MUC6: variants seen among roughly 807,000 people sequenced by gnomAD.
MUC6 encodes mucin-6.
MUC6 carries 188 observed loss-of-function variants against 201.5 expected under a neutral mutation model. That is an observed-to-expected ratio of 0.93 (90% CI 0.83 to 1.05). The LOEUF is 1.05. Ranked by LOEUF, MUC6 falls within the 50% of genes least tolerant of loss-of-function variation. The pLI is 0.00. For missense variants in MUC6, 2,706 were observed against 3,256.9 expected, an observed-to-expected ratio of 0.83 and a Z score of 4.12; for synonymous variants, 1,228 against 1,389.4, an observed-to-expected ratio of 0.88 and a Z score of 2.58.
rs1223253252 is a variant in MUC6, at chr11:1,026,119, C to T, written c.2569G>A (p.Ala857Thr). ...RTCSCSRGRW[A>T]CQQGTHCPST... ...GGGCAGTGGGTGCCCTGCTGACAGG[C>T]CCACCTCCCCCTTGAGCAGGAGCTG... Residue 857 changes from alanine (A) to threonine (T), a missense_variant, in exon 21 of 33, where the codon GCC becomes ACC. Coordinates refer to ENST00000421673, the MANE Select transcript of MUC6 (RefSeq NM_005961.3). The T allele has an allele frequency of 1.3e-6, 2 of 1,598,132 alleles. No homozygotes were observed. Among genetic ancestry groups the T allele is most frequent in the East Asian group, 2.3e-5 (1 of 44,276 alleles).
intron 8 of MUC6, among the ~76,000 whole-genome samples, 168 bp from the exon 9 acceptor site, chr11:1,029,783 T>C (rs1327405328): frequency 1.3e-5 from 2 of 151,766 alleles, no homozygotes; most frequent in Non-Finnish European, 2.9e-5. Flanking sequence ...ACGCCCCCTC[T>C]AGCCTGGGCC....
intron 1 of MUC6, among the ~76,000 whole-genome samples, chr11:1,034,760 C>A (rs1266238605): frequency 6.6e-6 from 1 of 152,198 alleles, no homozygotes; most frequent in Non-Finnish European, 1.5e-5. Context: ...CACCTCGGGC[C>A]TGTGTTTCGG....
chr11:1,029,175 C>T (rs576378320), intron 10 of MUC6, 25 bp from the exon 11 acceptor site: 27 of 1,606,860 alleles, frequency 1.7e-5, no homozygotes, highest in Admixed American at 8.5e-5. Flanking sequence ...GGCTCAGACA[C>T]GGGTGGGGTC....
In MUC6 at chr11:1,024,071, C is replaced by T. The variant is rs751332013; in HGVS notation, c.3258G>A (p.Val1086=). 89 of 1,612,964 alleles carry T rather than the reference C, an allele frequency of 5.5e-5. No individual in the cohort carries two copies. Among genetic ancestry groups the T allele is most frequent in the Non-Finnish European group, 7.5e-5 (89 of 1,179,800 alleles). The change falls in exon 25 of 33, where the codon GTG becomes GTA. Residue 1086 remains valine (V), a synonymous_variant. Transcript: ENST00000421673. ...CACTGTCACACCCACATGCGTCGCG[C>T]ACGCAGGCCTCGTAGTAGGGCAGGT... ...VYHLPYYEAC[V]RDACGCDSGG...
chr11:1,014,577 G>A (rs1001532063), intron 31 of MUC6, among the ~76,000 whole-genome samples: 2 of 152,224 alleles, frequency 1.3e-5, no homozygotes, highest in Non-Finnish European at 2.9e-5. Flanking sequence ...GTACGTGGCA[G>A]GCAGCACAGA....
At chr11:1,019,526 C>T (rs545484753) in intron 29 of MUC6, 30 bp from the exon 30 acceptor site, 4 of 1,585,030 alleles carry the variant, frequency 2.5e-6, no homozygotes, top group African/African-American at 1.3e-5. Flanking sequence ...GGAACATCCC[C>T]TTGCTGTGGG....
At chr11:1,026,238 G>A (rs1049417016) in intron 20 of MUC6, 89 bp downstream of exon 20, 29 of 1,531,848 alleles carry the variant, frequency 1.9e-5, no homozygotes, top group African/African-American at 1.2e-4. Flanking sequence ...GGACGCCCCC[G>A]CCTCTGGGAC....
chr11:1,013,446 AG>A lies in MUC6; in HGVS notation c.*9del. ...GTCCTTCAGCCCCAGGAGAGCAGGC[AG>A]CGACCCTGCTAGTCTCCACAGGCCA... On this transcript the variant is annotated 3_prime_UTR_variant, in exon 33 of 33. Coordinates refer to ENST00000421673, the MANE Select transcript of MUC6 (RefSeq NM_005961.3). 1 of 1,567,732 alleles carries A rather than the reference AG, an allele frequency of 6.4e-7. No individual in the cohort carries two copies. Among genetic ancestry groups the A allele is most frequent in the Non-Finnish European group, 8.6e-7 (1 of 1,157,206 alleles).
At chr11:1,031,459 A>C in intron 4 of MUC6, 148 bp downstream of exon 4, 1 of 1,307,962 alleles carries the variant, frequency 7.6e-7, no homozygotes. Context: ...GTTGCTGGTC[A>C]GGGGTCAGCA....
chr11:1,031,187 C>T lies in MUC6; in HGVS notation c.556G>A (p.Glu186Lys), dbSNP rs1488891038. ...CGNFDGKVTN[E>K]FVSEEGKFLE... ...CACCTACCCTCCTCACTGACAAACTCGTTGGTCACCTTCCCGTCAAAGTTC... is the reference window on the plus strand; with the variant it reads ...CACCTACCCTCCTCACTGACAAACTTGTTGGTCACCTTCCCGTCAAAGTTC... The change falls in exon 5 of 33, where the codon GAG (glutamate) becomes AAG (lysine). Residue 186 changes from glutamate (E) to lysine (K), a missense_variant. By Grantham distance (56) the Glu-to-Lys change is moderately conservative. Around this residue, in one of 10 missense-constraint regions of MUC6, gnomAD observed 1,850 missense variants for 1,958.3 expected, o/e 0.94. Transcript: ENST00000421673. 165 of 1,561,642 alleles carry T rather than the reference C, an allele frequency of 1.1e-4. No individual in the cohort carries two copies. The highest frequency in any genetic ancestry group is 1.3e-4 in the Non-Finnish European group (150 of 1,152,278).
At position 1,028,301 on chromosome 11, in the gene MUC6, C is replaced by A. The variant is rs777806378; in HGVS notation, c.1678G>T (p.Asp560Tyr). The part of the protein sequence containing the change: ...IAEGTASLFV[D>Y]SWRAGNCPAA... ...GGACAGTTCCCCGCCCGCCAGGAGT[C>A]CACAAACAGCGAGGCGGTGCCCTCG... The change falls in exon 14 of 33, where the codon GAC becomes TAC. Residue 560 changes from aspartate (D) to tyrosine (Y), a missense_variant. Coordinates refer to ENST00000421673, the MANE Select transcript of MUC6 (RefSeq NM_005961.3). 6 of 1,610,804 alleles carry A rather than the reference C, an allele frequency of 3.7e-6. No homozygotes were observed. The highest frequency in any genetic ancestry group is 5.1e-6 in the Non-Finnish European group (6 of 1,179,268).
At chr11:1,034,836 G>A (rs368398400) in intron 1 of MUC6, among the ~76,000 whole-genome samples, 1 of 152,164 alleles carries the variant, frequency 6.6e-6, no homozygotes, top group Non-Finnish European at 1.5e-5. Flanking sequence ...CACCCCCTGC[G>A]CCCCCCGCCG....
rs369579023 is a variant in MUC6, at chr11:1,025,172, C to A, written c.2985+10G>T. 1 of 1,610,178 alleles carries A rather than the reference C, an allele frequency of 6.2e-7. No homozygotes were observed. Among genetic ancestry groups the A allele is most frequent in the Non-Finnish European group, 8.5e-7 (1 of 1,177,730 alleles). On this transcript the variant is annotated intron_variant, in intron 23 of 32. Transcript: ENST00000421673. The stretch of plus-strand genomic sequence containing the variant: ...GGAGGGCCTGGGAGGAGGCAGAGGG[C>A]GTGCGGTACCTGGGAGGCACGGGCG...
rs887214034 is a variant in MUC6, at chr11:1,031,969, C to T, written c.200G>A (p.Cys67Tyr). 3 of 1,613,616 alleles carry T rather than the reference C, an allele frequency of 1.9e-6. No individual in the cohort carries two copies. Among genetic ancestry groups the T allele is most frequent in the Non-Finnish European group, 1.7e-6 (2 of 1,179,890 alleles). ...GCAGGTGGCCGCGAAGATGTAGTTG[C>T]ACGTCCCCGAGAAGTCGTACACGTG... ...DHHVYDFSGTCNYIFAATCKD... is the reference protein window; with the variant it reads ...DHHVYDFSGTYNYIFAATCKD... The change falls in exon 3 of 33, where the codon TGC (cysteine) becomes TAC (tyrosine). Residue 67 changes from cysteine to tyrosine, a missense_variant. By Grantham distance (194) the Cys-to-Tyr change is radical. Around this residue, in one of 10 missense-constraint regions of MUC6, gnomAD observed 1,850 missense variants for 1,958.3 expected, o/e 0.94. Transcript: ENST00000421673.
intron 1 of MUC6, among the ~76,000 whole-genome samples, chr11:1,036,328 G>A (rs868600675): frequency 2.0e-4 from 31 of 152,278 alleles, no homozygotes; most frequent in Admixed American, 3.9e-4. Flanking sequence ...CCAGCTGAGC[G>A]TCCTCCCCCG....
At chr11:1,024,635 C>A (rs562916617) in intron 24 of MUC6, among the ~76,000 whole-genome samples, 1 of 152,126 alleles carries the variant, frequency 6.6e-6, no homozygotes, top group African/African-American at 2.4e-5. Flanking sequence ...GGGTGGAGGC[C>A]GGGGGGCTGC....
intron 22 of MUC6, 126 bp downstream of exon 22, chr11:1,025,676 CAAG>C: frequency 1.1e-6 from 1 of 944,154 alleles, no homozygotes; most frequent in East Asian, 2.6e-5. Context: ...AGGCACCCCT[CAAG>C]GAGAGGCAGG....
intron 19 of MUC6, 127 bp downstream of exon 19, chr11:1,026,814 C>T: frequency 9.5e-7 from 1 of 1,054,358 alleles, no homozygotes; most frequent in South Asian, 1.6e-5. Flanking sequence ...CCGCTTCCAC[C>T]TCGTGGCCAG....
In MUC6 at chr11:1,013,986, C is replaced by T. The variant is rs765069775; in HGVS notation, c.7055G>A (p.Arg2352Gln). The T allele has an allele frequency of 1.7e-5, 28 of 1,608,264 alleles. No homozygotes were observed. The highest frequency in any genetic ancestry group is 4.0e-5 in the African/African-American group (3 of 74,854). ...TPTSPGVCSV[R>Q]EQQEEITFKG... Reference sequence around the variant, plus strand: ...GAACGTGATCTCCTCCTGCTGCTCCCGCACACTGCAGACCCCTGGTAGCCG... The same window carrying T: ...GAACGTGATCTCCTCCTGCTGCTCCTGCACACTGCAGACCCCTGGTAGCCG... Residue 2352 changes from arginine to glutamine, a missense_variant, in exon 32 of 33, where the codon CGG becomes CAG. Arg to Gln is a conservative substitution (Grantham distance 43). This residue lies in a region of MUC6 where 586 missense variants were observed against 488.0 expected (regional missense o/e 1.20). Coordinates refer to ENST00000421673, the MANE Select transcript of MUC6 (RefSeq NM_005961.3).
Sources: allele counts gnomAD v4.1 joint callset (sites outside exome capture counted in the v4.1 genomes callset), GRCh38; gene constraint gnomAD v4.1.1; regional missense constraint gnomAD v4.1.1; transcripts MANE v1.5; gene names NCBI Gene and HGNC (gene_info 2026-07-23, HGNC 2026-07-21).